The following ZNF236 variants were observed in gnomAD, a reference collection of about 807,000 sequenced individuals.
The protein encoded by ZNF236 is regulated by glucose.
Under a neutral mutation model 191.2 loss-of-function variants are expected in ZNF236, and 50 were observed. That is an observed-to-expected ratio of 0.26 (90% confidence interval 0.21 to 0.33). The LOEUF (loss-of-function observed/expected upper bound fraction) is 0.33, where lower values mean the gene tolerates loss of function less well. Ranked by LOEUF, ZNF236 falls within the 10% of genes least tolerant of loss-of-function variation. ZNF236 has a pLI of 1.00. For missense variants in ZNF236, 1,754 were observed against 2,374.5 expected (o/e 0.74, Z 5.43); for synonymous variants, 907 against 928.8 (o/e 0.98, Z 0.43).
At chr18:76,901,499 C>A (rs539056987) in intron 11 of ZNF236, among the ~76,000 whole-genome samples, 9 of 152,342 alleles carry the variant, frequency 5.9e-5, no homozygotes, top group African/African-American at 1.7e-4. Flanking sequence ...TGGCTCACGC[C>A]TGTGACCCTA....
chr18:76,825,603 A>T (rs1974992002), intron 1 of ZNF236, among the ~76,000 whole-genome samples: 1 of 140,728 alleles, frequency 7.1e-6, no homozygotes, highest in African/African-American at 2.8e-5. Flanking sequence ...AATGAAAACC[A>T]TTCTTAACTA....
At chr18:76,825,975 C>T (rs1438661413) in intron 1 of ZNF236, among the ~76,000 whole-genome samples, 4 of 152,210 alleles carry the variant, frequency 2.6e-5, no homozygotes, top group African/African-American at 4.8e-5. Flanking sequence ...TGCTCTATCA[C>T]TTACTGTGTT....
chr18:76,956,333 T>C (rs1242834376), intron 28 of ZNF236, 151 bp downstream of exon 28: 2 of 909,410 alleles, frequency 2.2e-6, no homozygotes, highest in East Asian at 5.3e-5. Context: ...GATGTATTGT[T>C]CCGGTTGTAA....
intron 26 of ZNF236, among the ~76,000 whole-genome samples, chr18:76,944,157 A>G (rs1446428531): frequency 2.0e-4 from 31 of 152,074 alleles, no homozygotes; most frequent in Non-Finnish European, 1.5e-5. Flanking sequence ...TGTGCTGTTC[A>G]TTACCCACCT....
chr18:76,926,773 TGGTATAAAGGGTGATTAGACA>T (rs1400354737), intron 22 of ZNF236, among the ~76,000 whole-genome samples: 20 of 152,180 alleles, frequency 1.3e-4, no homozygotes, highest in Non-Finnish European at 1.8e-4. Context: ...TGTGTGTGTA[TGGTATAAAGGGTGATTAGACA>T]GTGTGTGTGT....
chr18:76,903,630 A>C (rs1338207250), intron 11 of ZNF236, among the ~76,000 whole-genome samples: 2 of 152,054 alleles, frequency 1.3e-5, no homozygotes, highest in Non-Finnish European at 2.9e-5. Context: ...TGATTAGAGG[A>C]CTGACTGCGT....
In ZNF236 at chr18:76,868,737, C is replaced by T. The variant is rs1380464826; in HGVS notation, c.416C>T (p.Ala139Val). The T allele has an allele frequency of 1.2e-6, 2 of 1,613,738 alleles. No individual in the cohort carries two copies. The highest frequency in any genetic ancestry group is 2.7e-5 in the African/African-American group (2 of 74,930). Reference sequence around the variant, plus strand: ...GAGTTTACTCTGCAGAGTCAGCTGGCCGTGCACATGGAGGAGCACCGCCAG... The same window carrying T: ...GAGTTTACTCTGCAGAGTCAGCTGGTCGTGCACATGGAGGAGCACCGCCAG... Reference protein sequence around the residue: ...GDEFTLQSQLAVHMEEHRQEL... With the variant: ...GDEFTLQSQLVVHMEEHRQEL... The change falls in exon 4 of 31, where the codon GCC (alanine) becomes GTC (valine). Residue 139 changes from alanine to valine, a missense_variant. This residue lies in a region of ZNF236 where 336 missense variants were observed against 495.1 expected (regional missense o/e 0.68). Transcript: ENST00000320610.
chr18:76,955,961 G>A, intron 27 of ZNF236, 24 bp from the exon 28 acceptor site: 1 of 1,597,062 alleles, frequency 6.3e-7, no homozygotes, highest in Non-Finnish European at 8.5e-7. Flanking sequence ...TGAGTGGAAA[G>A]TCACAATTTC....
At chr18:76,833,252 C>T (rs1434258050) in intron 1 of ZNF236, among the ~76,000 whole-genome samples, 2 of 152,088 alleles carry the variant, frequency 1.3e-5, no homozygotes, top group Non-Finnish European at 2.9e-5. Flanking sequence ...TGAATAAATG[C>T]GGTGAATAAG....
intron 13 of ZNF236, among the ~76,000 whole-genome samples, chr18:76,906,604 C>T (rs949389157): frequency 6.6e-6 from 1 of 152,196 alleles, no homozygotes. Context: ...TTCCAGTGTC[C>T]TTTCGTAGTA....
intron 3 of ZNF236, among the ~76,000 whole-genome samples, chr18:76,859,648 A>T (rs1976155892): frequency 6.6e-6 from 1 of 152,114 alleles, no homozygotes; most frequent in Non-Finnish European, 1.5e-5. Context: ...CAAAGACATG[A>T]TGTTATTGAA....
chr18:76,923,848 G>A (rs963738898), intron 21 of ZNF236, among the ~76,000 whole-genome samples: 8 of 152,150 alleles, frequency 5.3e-5, no homozygotes, highest in African/African-American at 1.7e-4. Flanking sequence ...TAAGCATTAA[G>A]ACATTTAAAT....
At chr18:76,824,806 A>C (rs1974970983) in intron 1 of ZNF236, among the ~76,000 whole-genome samples, 1 of 152,162 alleles carries the variant, frequency 6.6e-6, no homozygotes, top group African/African-American at 2.4e-5. Flanking sequence ...ATGTATTTCC[A>C]GTGGGCCCTC....
Position 76,960,364 on chromosome 18 carries a change from A to G in ZNF236, c.5243-315A>G, listed in dbSNP as rs1968635072. On this transcript the variant is annotated intron_variant, in intron 29 of 30. Coordinates refer to ENST00000320610, the MANE Select transcript of ZNF236 (RefSeq NM_001306089.2). The surrounding 1 kb of genome is among the most constrained non-coding windows in gnomAD (Gnocchi z 4.4). ...TCCGTCTCCGCCCTGCCCTAACAGG[A>G]CATCATCCCGGGCTCATTTCTGTTG... Among the ~76,000 whole-genome samples, 1 of 152,166 alleles carries G rather than the reference A, an allele frequency of 6.6e-6. No individual in the cohort carries two copies.
chr18:76,932,545 A>AC (rs1252798015), intron 25 of ZNF236, among the ~76,000 whole-genome samples: 3 of 152,268 alleles, frequency 2.0e-5, no homozygotes, highest in Non-Finnish European at 2.9e-5. Flanking sequence ...CAATGTGAAG[A>AC]CGTGCTGTTT....
chr18:76,845,547 T>C (rs2122484025), intron 1 of ZNF236, among the ~76,000 whole-genome samples: 1 of 152,210 alleles, frequency 6.6e-6, no homozygotes, highest in South Asian at 2.1e-4. Flanking sequence ...CTTTTAGCTG[T>C]CTTTAAAAAA....
Position 76,927,182 on chromosome 18 carries a change from G to A in ZNF236, c.4173G>A (p.Gln1391=). 1 of 1,612,976 alleles carries A rather than the reference G, an allele frequency of 6.2e-7. No homozygotes were observed. Among genetic ancestry groups the A allele is most frequent in the Non-Finnish European group, 8.5e-7 (1 of 1,179,034 alleles). The change falls in exon 23 of 31, where the codon CAG becomes CAA. Residue 1391 remains glutamine (Q), a splice_region_variant and synonymous_variant. Transcript: ENST00000320610. This position sits in a 1 kb window ranked among gnomAD's most constrained non-coding sequence, Gnocchi z 5.4. ...DAASINNITL[Q]IDPSILQQTL... is the part of the protein sequence containing the mutation. ...CCAGCATTAATAACATTACGTTGCAGGTATGACACCTTCCATGGTCTCCTG... is the reference window on the plus strand; with the variant it reads ...CCAGCATTAATAACATTACGTTGCAAGTATGACACCTTCCATGGTCTCCTG...
intron 27 of ZNF236, among the ~76,000 whole-genome samples, chr18:76,948,260 G>A (rs957825025): frequency 1.3e-5 from 2 of 152,168 alleles, no homozygotes; most frequent in Non-Finnish European, 2.9e-5. Flanking sequence ...AATTTAGGAA[G>A]CATTAAACAT....
In ZNF236 at chr18:76,910,287, A is replaced by T. The variant is rs1967183694; in HGVS notation, c.2653+118A>T. 4 of 883,566 alleles carry T rather than the reference A, an allele frequency of 4.5e-6. No homozygotes were observed. The East Asian group carries it at 1.1e-4, about 24-fold the overall frequency. The allele number at this position is 883,566 out of a possible 1,614,324, so 54.7% of individuals were successfully genotyped here. ...CTTCTAAAGTGTATGGTTTCAAACC[A>T]AATAACTTTTTGCATGCATTGTAGA... is the stretch of plus-strand genomic sequence containing the variant. On this transcript the variant is annotated intron_variant, in intron 15 of 30. Coordinates refer to ENST00000320610, the MANE Select transcript of ZNF236 (RefSeq NM_001306089.2).
Sources: allele counts gnomAD v4.1 joint callset (sites outside exome capture counted in the v4.1 genomes callset), GRCh38; gene constraint gnomAD v4.1.1; regional missense constraint gnomAD v4.1.1; non-coding constraint Gnocchi (gnomAD v3.1); transcripts MANE v1.5; gene names NCBI Gene and HGNC (gene_info 2026-07-23, HGNC 2026-07-21).